The following GGT1 variants were observed in gnomAD, a reference collection of about 807,000 sequenced individuals.
GGT1 encodes the protein gamma-glutamyltransferase 1.
In GGT1, 21 loss-of-function variants were observed where a neutral mutation model predicts 56.0. The observed-to-expected ratio is 0.38, with a 90% CI of 0.27 to 0.54. The LOEUF is 0.54. Among genes scored for constraint, GGT1 ranks in the 20% least tolerant of loss-of-function variants. The probability of loss-of-function intolerance (pLI) is 0.82; values close to 1 mark genes in which losing one functional copy is unlikely to be tolerated. For missense variants in GGT1, 466 were observed against 787.0 expected (o/e 0.59, Z 4.88); for synonymous variants, 238 against 342.6 (o/e 0.69, Z 3.37).
At chr22:24,618,168 G>C (rs1448623007) in intron 7 of GGT1, among the ~76,000 whole-genome samples, 1 of 152,158 alleles carries the variant, frequency 6.6e-6, no homozygotes, top group Non-Finnish European at 1.5e-5. Flanking sequence ...AGGGTATTTG[G>C]AGTCTCCGTC....
At chr22:24,604,414 C>T (rs2045900786) in intron 1 of GGT1, among the ~76,000 whole-genome samples, 4 of 152,296 alleles carry the variant, frequency 2.6e-5, no homozygotes, top group South Asian at 4.1e-4. Flanking sequence ...GCCGTGTCTA[C>T]CTCTTCCTCA....
intron 1 of GGT1, among the ~76,000 whole-genome samples, chr22:24,596,020 A>G (rs1452574556): frequency 6.6e-6 from 1 of 152,216 alleles, no homozygotes; most frequent in Non-Finnish European, 1.5e-5. Flanking sequence ...TGGATACTCT[A>G]TGGAGACAGA....
intron 11 of GGT1, among the ~76,000 whole-genome samples, chr22:24,626,389 G>A (rs1246974130): frequency 3.2e-5 from 3 of 94,432 alleles, no homozygotes; most frequent in Admixed American, 1.1e-4. Flanking sequence ...TCATCTCCTC[G>A]CCACTGCCTT....
At chr22:24,585,805 G>A in the GGT1 span, 1 of 1,342,868 alleles carries the variant, frequency 7.4e-7, no homozygotes, top group South Asian at 1.5e-5. Context: ...GGGCCTGTGA[G>A]TCCTCCTTGA....
intron 7 of GGT1, among the ~76,000 whole-genome samples, chr22:24,618,625 A>C (rs544328854): frequency 6.6e-6 from 1 of 152,278 alleles, no homozygotes; most frequent in African/African-American, 2.4e-5. Flanking sequence ...AAACAAAACA[A>C]AAAATAACTT....
Position 24,623,251 on chromosome 22 carries a change from T to A in GGT1, c.878T>A (p.Leu293His). The A allele has an allele frequency of 6.3e-7, 1 of 1,577,460 alleles. No individual in the cohort carries two copies. Among genetic ancestry groups the A allele is most frequent in the South Asian group, 1.1e-5 (1 of 87,616 alleles). Residue 293 changes from leucine (L) to histidine (H), a missense_variant, in exon 10 of 16, where the codon CTC (leucine) becomes CAC (histidine). Coordinates refer to ENST00000400382, the MANE Select transcript of GGT1 (RefSeq NM_001288833.2). ...GTGCTGGCCCTCATCCTCAACATCCTCAAAGGTGAGTGGTCGCACCACAGC... is the reference window on the plus strand; with the variant it reads ...GTGCTGGCCCTCATCCTCAACATCCACAAAGGTGAGTGGTCGCACCACAGC... ...GPVLALILNI[L>H]KGYNFSRESV...
rs1359494678 is a variant in GGT1 at position 24,625,108 on chromosome 22, A to G, written c.1020+1192A>G. On this transcript the variant is annotated intron_variant, in intron 11 of 15. Transcript: ENST00000400382. ...CCTAACTCTCTCCGTCTCCACCCAC[A>G]TCTATTGGGATTCGTGTTTTTCTGA... Among the ~76,000 whole-genome samples the G allele has an allele frequency of 2.0e-5, 3 of 152,266 alleles. No homozygotes were observed. The East Asian group carries it at 5.8e-4, about 29-fold the overall frequency.
chr22:24,593,151 G>C, upstream of GGT1: 1 of 987,920 alleles, frequency 1.0e-6, no homozygotes, highest in Non-Finnish European at 1.2e-6. Context: ...GCCCCGTCCG[G>C]GTCCGAAGGC....
rs112364951 is a variant in GGT1, at chr22:24,615,060, C to T, written c.315C>T (p.Asn105=). The T allele has an allele frequency of 6.6e-5, 107 of 1,611,894 alleles. No individual in the cohort carries two copies. The highest frequency in any genetic ancestry group is 2.0e-4 in the African/African-American group (15 of 74,834). The change falls in exon 7 of 16, where the codon AAC becomes AAT. Residue 105 remains asparagine, a synonymous_variant. Coordinates refer to ENST00000400382, the MANE Select transcript of GGT1 (RefSeq NM_001288833.2). ...TTCTAGGAAAAGCTGAGGTCATCAA[C>T]GCCCGCGAGGTGGCCCCCAGGCTGG... The part of the protein sequence containing the change: ...NSTTRKAEVI[N]AREVAPRLAF...
chr22:24,602,245 A>G (rs1274046675), upstream of GGT1, among the ~76,000 whole-genome samples: 2 of 152,062 alleles, frequency 1.3e-5, no homozygotes, highest in East Asian at 3.9e-4. Context: ...ATCCAATCCC[A>G]GCTCGGGCTG....
chr22:24,623,886 T>A lies in GGT1; in HGVS notation c.990T>A (p.Leu330=). Residue 330 remains leucine (L), a synonymous_variant, in exon 11 of 16, where the codon CTT becomes CTA. Coordinates refer to ENST00000400382, the MANE Select transcript of GGT1 (RefSeq NM_001288833.2). The part of the protein sequence containing the change: ...FRFAYAKRTL[L]GDPKFVDVTE... ...TTGCCTACGCCAAGAGGACCCTGCT[T>A]GGGGACCCCAAGTTTGTGGATGTGA... is the stretch of plus-strand genomic sequence containing the variant. 1 of 1,611,488 alleles carries A rather than the reference T, an allele frequency of 6.2e-7. No individual in the cohort carries two copies. The highest frequency in any genetic ancestry group is 8.5e-7 in the Non-Finnish European group (1 of 1,179,664).
chr22:24,598,160 G>GGGCAC (rs1569043287), intron 1 of GGT1: 3 of 152,152 alleles, frequency 2.0e-5, no homozygotes, highest in African/African-American at 7.2e-5. Flanking sequence ...TAAATAGGCC[G>GGGCAC]GGCACGGTGG....
At chr22:24,602,863 T>C (rs1314491334), upstream of GGT1, among the ~76,000 whole-genome samples, 1 of 152,148 alleles carries the variant, frequency 6.6e-6, no homozygotes, top group Non-Finnish European at 1.5e-5. Flanking sequence ...CCTCCTGGCG[T>C]GGGCATCTGG....
At chr22:24,618,902 G>A (rs1292745957) in intron 7 of GGT1, among the ~76,000 whole-genome samples, 10 of 152,100 alleles carry the variant, frequency 6.6e-5, no homozygotes, top group South Asian at 6.2e-4. Flanking sequence ...TATGGGCAGC[G>A]GGGCTCAGGG....
intron 5 of GGT1, among the ~76,000 whole-genome samples, chr22:24,614,231 C>T (rs1830227677): frequency 6.6e-6 from 1 of 151,380 alleles, no homozygotes; most frequent in Non-Finnish European, 1.5e-5. Context: ...TGCCCATAGT[C>T]CCAGCTACTT....
upstream of GGT1, chr22:24,593,344 C>G (rs1485405993): frequency 6.4e-6 from 1 of 155,570 alleles, no homozygotes; most frequent in Non-Finnish European, 1.4e-5. Context: ...TACCCTCTGG[C>G]CCCAGTGCTG....
At chr22:24,589,082 G>A in the GGT1 span, 9 of 1,068,592 alleles carry the variant, frequency 8.4e-6, no homozygotes, top group Admixed American at 1.1e-4. Context: ...CCTAGGGGCC[G>A]ACTGTGCAGA....
chr22:24,624,012 T>G, intron 11 of GGT1, 96 bp downstream of exon 11: 2 of 1,558,068 alleles, frequency 1.3e-6, no homozygotes, highest in Admixed American at 1.9e-5. Context: ...ATATGCTTTA[T>G]GAATCCATTC....
At chr22:24,626,707 C>G (rs994940058) in intron 11 of GGT1, among the ~76,000 whole-genome samples, 3 of 151,154 alleles carry the variant, frequency 2.0e-5, no homozygotes, top group African/African-American at 7.3e-5. Flanking sequence ...TATCCTTATC[C>G]CCATCATAGC....
Sources: gnomAD v4.1 joint callset for allele counts (sites outside exome capture counted in the v4.1 genomes callset) on GRCh38, gnomAD v4.1.1 for gene constraint, MANE v1.5 for transcripts, NCBI Gene and HGNC (gene_info 2026-07-23, HGNC 2026-07-21) for gene names.